Variants in SGCG observed in about 807,000 individuals in gnomAD.
The protein encoded by SGCG is sarcoglycan gamma.
Under a neutral mutation model 29.3 loss-of-function variants are expected in SGCG, and 26 were observed. That is an observed-to-expected ratio of 0.89 (90% CI 0.65 to 1.23). SGCG has a LOEUF of 1.23. SGCG is among the 50% of genes most tolerant of loss of function. The probability of loss-of-function intolerance (pLI) is 0.00; values close to 1 mark genes in which losing one functional copy is unlikely to be tolerated. For synonymous variants in SGCG, 145 were observed against 129.7 expected (o/e 1.12, Z -0.80); for missense variants, 353 against 356.0 (o/e 0.99, Z 0.07).
chr13:23,163,722 T>C, the SGCG span, among the ~76,000 whole-genome samples: 1 of 152,198 alleles, frequency 6.6e-6, no homozygotes, highest in African/African-American at 2.4e-5. Context: ...GTTGCTAAAC[T>C]CTTTTTCAAA....
intron 4 of SGCG, among the ~76,000 whole-genome samples, chr13:23,253,300 G>A (rs150767319): frequency 4.6e-5 from 7 of 152,242 alleles, no homozygotes; most frequent in East Asian, 1.9e-4. Context: ...TGAACTGTTC[G>A]CCTCAATCTC....
chr13:23,212,240 G>A (rs1878251823), intron 2 of SGCG, among the ~76,000 whole-genome samples: 1 of 152,154 alleles, frequency 6.6e-6, no homozygotes, highest in African/African-American at 2.4e-5. Context: ...GCATTTCGTT[G>A]TAGCAATGCG....
chr13:23,227,317 A>G (rs1399134029), intron 2 of SGCG, among the ~76,000 whole-genome samples: 4 of 41,484 alleles, frequency 9.6e-5, no homozygotes, highest in East Asian at 4.6e-3. Flanking sequence ...AAGAATGGGA[A>G]AAAAAAAAAA....
intron 2 of SGCG, among the ~76,000 whole-genome samples, chr13:23,217,941 C>T (rs1188161630): frequency 6.6e-6 from 1 of 151,930 alleles, no homozygotes; most frequent in African/African-American, 2.4e-5. Flanking sequence ...TACAACAAAC[C>T]AGCAGCCAAG....
At chr13:23,165,405 A>G in the SGCG span, among the ~76,000 whole-genome samples, 3 of 152,204 alleles carry the variant, frequency 2.0e-5, 1 homozygote, top group South Asian at 6.2e-4. Flanking sequence ...TAAGTTTTGA[A>G]CTACAAATGT....
intron 2 of SGCG, among the ~76,000 whole-genome samples, chr13:23,232,784 A>C (rs539231875): frequency 1.3e-5 from 2 of 152,198 alleles, no homozygotes. Context: ...TCCATCTCAA[A>C]AAAAAGACAG....
At chr13:23,318,184 A>G (rs549874215) in intron 6 of SGCG, among the ~76,000 whole-genome samples, 99 of 151,572 alleles carry the variant, frequency 6.5e-4, no homozygotes, top group African/African-American at 2.1e-3. Context: ...TCCCCTTCCT[A>G]CTAGTTATGT....
chr13:23,310,472 C>G (rs143369773), intron 6 of SGCG, among the ~76,000 whole-genome samples: 1 of 152,240 alleles, frequency 6.6e-6, no homozygotes, highest in East Asian at 1.9e-4. Context: ...GTCCTACTTT[C>G]TTTTGCACTG....
chr13:23,271,049 T>G (rs1325086755), intron 4 of SGCG, among the ~76,000 whole-genome samples: 1 of 152,032 alleles, frequency 6.6e-6, no homozygotes, highest in Non-Finnish European at 1.5e-5. Context: ...CCGTCTCTAT[T>G]AAAAATACAA....
intron 5 of SGCG, among the ~76,000 whole-genome samples, chr13:23,279,830 C>T (rs1163954705): frequency 1.5e-4 from 23 of 151,868 alleles, no homozygotes; most frequent in African/African-American, 5.3e-4. Context: ...TGGGTTCAAG[C>T]AATTCTCCTG....
intron 3 of SGCG, among the ~76,000 whole-genome samples, chr13:23,238,375 AGT>A (rs141183526): frequency 6.6e-6 from 1 of 152,022 alleles, no homozygotes; most frequent in Non-Finnish European, 1.5e-5. Flanking sequence ...AATATTTACC[AGT>A]GTGTGTGTGT....
At chr13:23,182,796 G>T (rs1281232351) in intron 1 of SGCG, among the ~76,000 whole-genome samples, 1 of 152,186 alleles carries the variant, frequency 6.6e-6, no homozygotes, top group African/African-American at 2.4e-5. Flanking sequence ...AGGAGGGCTT[G>T]CTGTGCCCAA....
chr13:23,300,608 C>T (rs2137655059), intron 6 of SGCG, among the ~76,000 whole-genome samples: 1 of 152,170 alleles, frequency 6.6e-6, no homozygotes, highest in Non-Finnish European at 1.5e-5. Flanking sequence ...AAGCCGTTGC[C>T]TGGCCGAGGT....
In SGCG at chr13:23,324,558, C is replaced by T. The variant is rs576170697; in HGVS notation, c.*17C>T. The T allele has an allele frequency of 5.0e-6, 8 of 1,605,466 alleles. No homozygotes were observed. In the South Asian group the frequency reaches 7.7e-5, roughly 15 times the overall value. On this transcript the variant is annotated 3_prime_UTR_variant, in exon 8 of 8. Coordinates refer to ENST00000218867, the MANE Select transcript of SGCG (RefSeq NM_000231.3). Reference sequence around the variant, plus strand: ...TGCCTCTGAGCTGCCTGCGTCCTCTCGGTGAGCTGTGCAGTGCCGGCCCCA... The same window carrying T: ...TGCCTCTGAGCTGCCTGCGTCCTCTTGGTGAGCTGTGCAGTGCCGGCCCCA...
intron 3 of SGCG, among the ~76,000 whole-genome samples, chr13:23,240,882 G>A (rs9580582): frequency 0.24 from 36,656 of 151,946 alleles, 4,715 homozygotes; most frequent in South Asian, 0.39. Flanking sequence ...GGCCGGGTGC[G>A]GTGGCTCACG....
chr13:23,161,669 G>A, the SGCG span, among the ~76,000 whole-genome samples: 2 of 152,304 alleles, frequency 1.3e-5, no homozygotes, highest in Non-Finnish European at 1.5e-5. Context: ...TTGCTAACAG[G>A]TTCAGTGTCT....
At chr13:23,248,082 C>T (rs1414959268) in intron 3 of SGCG, among the ~76,000 whole-genome samples, 2 of 150,712 alleles carry the variant, frequency 1.3e-5, no homozygotes, top group Non-Finnish European at 3.0e-5. Context: ...TGAGACCAGC[C>T]TAGGCAACAT....
intron 6 of SGCG, among the ~76,000 whole-genome samples, chr13:23,305,395 A>G (rs1882324636): frequency 6.6e-6 from 1 of 152,104 alleles, no homozygotes; most frequent in South Asian, 2.1e-4. Flanking sequence ...ACCTTACTAA[A>G]CCTTTTATGG....
Position 23,222,406 on chromosome 13 carries a change from A to G in SGCG, c.196-12205A>G, listed in dbSNP as rs188091777. Among the ~76,000 whole-genome samples, 509 of 146,386 alleles carry G rather than the reference A, an allele frequency of 3.5e-3. 2 individuals carry two copies. The highest frequency in any genetic ancestry group is 0.012 in the African/African-American group (475 of 39,564). On this transcript the variant is annotated intron_variant, in intron 2 of 7. Coordinates refer to ENST00000218867, the MANE Select transcript of SGCG (RefSeq NM_000231.3). ...TTTTATTTTTACATTTCTATGTGCA[A>G]TCCATATTGAATTAATTTTTATGTA...
Sources: allele counts gnomAD v4.1 joint callset (sites outside exome capture counted in the v4.1 genomes callset), GRCh38; gene constraint gnomAD v4.1.1; transcripts MANE v1.5; gene names NCBI Gene and HGNC (gene_info 2026-07-23, HGNC 2026-07-21).